DLC1: variants seen among roughly 807,000 people sequenced by gnomAD.
DLC1 encodes rho GTPase-activating protein 7.
A neutral mutation model predicts 140.3 loss-of-function variants in DLC1; 54 were observed. That is an observed-to-expected ratio of 0.38 (90% CI 0.31 to 0.48). The LOEUF is 0.48. Among genes scored for constraint, DLC1 ranks in the 20% least tolerant of loss-of-function variants. The pLI is 0.96. For synonymous variants in DLC1, 986 were observed against 728.1 expected, an observed-to-expected ratio of 1.35 and a Z score of -5.70; for missense variants, 2,536 against 1,907.0, an observed-to-expected ratio of 1.33 and a Z score of -6.14.
At chr8:13,463,466 C>T (rs1799770437) in intron 2 of DLC1, among the ~76,000 whole-genome samples, 1 of 152,160 alleles carries the variant, frequency 6.6e-6, no homozygotes, top group South Asian at 2.1e-4. Flanking sequence ...CATATTCAGA[C>T]TAACAGAATA....
At chr8:13,113,145 G>C (rs1286074086) in intron 6 of DLC1, among the ~76,000 whole-genome samples, 4 of 152,138 alleles carry the variant, frequency 2.6e-5, no homozygotes, top group Non-Finnish European at 5.9e-5. Context: ...TATTTGCCTG[G>C]ACTCCTTTCT....
intron 5 of DLC1, among the ~76,000 whole-genome samples, chr8:13,166,574 C>G (rs571117228): frequency 6.6e-6 from 1 of 152,254 alleles, no homozygotes; most frequent in African/African-American, 2.4e-5. Flanking sequence ...CTCAAGTGAT[C>G]CACCCGCTGT....
chr8:13,218,972 A>T (rs1229260558), intron 5 of DLC1, among the ~76,000 whole-genome samples: 1 of 105,360 alleles, frequency 9.5e-6, no homozygotes, highest in Non-Finnish European at 1.8e-5. Context: ...ATAATTATAT[A>T]CGTATATAAC....
intron 1 of DLC1, among the ~76,000 whole-genome samples, chr8:13,562,056 G>T (rs1804263119): frequency 6.6e-6 from 1 of 151,986 alleles, no homozygotes; most frequent in African/African-American, 2.4e-5. Context: ...GATAGAACAG[G>T]GGATTCTGCA....
At chr8:13,178,866 T>A (rs1825891026) in intron 5 of DLC1, among the ~76,000 whole-genome samples, 1 of 152,044 alleles carries the variant, frequency 6.6e-6, no homozygotes, top group Non-Finnish European at 1.5e-5. Context: ...GTTTGGAAAA[T>A]TACTTGGAAG....
At chr8:13,142,025 GAT>G (rs1823032322) in intron 5 of DLC1, among the ~76,000 whole-genome samples, 1 of 152,142 alleles carries the variant, frequency 6.6e-6, no homozygotes. Context: ...CTGTTCTCGT[GAT>G]AGTGAGTGAA....
At chr8:13,222,415 T>C (rs1032380469) in intron 5 of DLC1, among the ~76,000 whole-genome samples, 1 of 152,210 alleles carries the variant, frequency 6.6e-6, no homozygotes, top group African/African-American at 2.4e-5. Flanking sequence ...ATTATACTGA[T>C]GTTTTGTTTT....
At chr8:13,317,571 A>G (rs57802634) in intron 4 of DLC1, among the ~76,000 whole-genome samples, 10 of 152,122 alleles carry the variant, frequency 6.6e-5, no homozygotes, top group Non-Finnish European at 1.3e-4. Context: ...GGCTATGGTC[A>G]GTATTTTTTT....
intron 5 of DLC1, among the ~76,000 whole-genome samples, chr8:13,243,818 A>ATTC (rs928265356): frequency 1.2e-3 from 176 of 152,268 alleles, no homozygotes; most frequent in African/African-American, 4.2e-3. Context: ...CTTTCCATGT[A>ATTC]TTCTTGGACA....
chr8:13,572,120 C>T (rs1254067733), intron 1 of DLC1, among the ~76,000 whole-genome samples: 1 of 142,584 alleles, frequency 7.0e-6, no homozygotes, highest in Non-Finnish European at 1.5e-5. Flanking sequence ...GATGGAGTCT[C>T]ACTCTGTCAC....
chr8:13,424,626 G>A (rs531317387), intron 2 of DLC1, among the ~76,000 whole-genome samples: 2 of 152,106 alleles, frequency 1.3e-5, no homozygotes, highest in African/African-American at 4.8e-5. Flanking sequence ...AGGCTGGAGT[G>A]CAGTGCTGCG....
intron 1 of DLC1, among the ~76,000 whole-genome samples, chr8:13,565,289 G>A (rs961999740): frequency 6.6e-6 from 1 of 152,180 alleles, no homozygotes; most frequent in Non-Finnish European, 1.5e-5. Context: ...TGGCATGTTA[G>A]AAGACACAGA....
Position 13,086,469 on chromosome 8 carries a change from G to A in DLC1, c.4293-6C>T. 6.2e-7 allele frequency: 1 copy of A among 1,609,660 alleles called. No homozygotes were observed. On this transcript the variant is annotated splice_region_variant and splice_polypyrimidine_tract_variant and intron_variant, in intron 16 of 17. Coordinates refer to ENST00000276297, the MANE Select transcript of DLC1 (RefSeq NM_182643.3). Reference sequence around the variant, plus strand: ...GTAAATTAGTCCTCCAGGTTCTGTAGAGACAAAACCAGAGGCAGAAATGAT... The same window carrying A: ...GTAAATTAGTCCTCCAGGTTCTGTAAAGACAAAACCAGAGGCAGAAATGAT...
In DLC1 at chr8:13,572,096, T is replaced by TTTA. The variant is rs1554545679; in HGVS notation, c.-126+32440_-126+32441insTAA. ...TCAGGATTATTATTATTATTATTTA[T>TTTA]TTTTTTTTTTTGAGATGGAGTCTCA... On this transcript the variant is annotated intron_variant, in intron 1 of 1. Coordinates refer to the DLC1 transcript ENST00000631382. Among the ~76,000 whole-genome samples the TTTA allele has an allele frequency of 1.5e-3, 14 of 9,272 alleles. No homozygotes were observed. The East Asian group carries it at 0.07, about 46-fold the overall frequency. The allele number at this position is 9,272 out of a possible 152,430, so 6.1% of individuals were successfully genotyped here. A position where few individuals can be genotyped will look rare whatever the true frequency, so the allele number is the denominator to read the frequency against.
At chr8:13,500,417 G>A (rs762399838) in intron 1 of DLC1, among the ~76,000 whole-genome samples, 23 of 151,998 alleles carry the variant, frequency 1.5e-4, no homozygotes, top group Non-Finnish European at 2.6e-4. Context: ...ACTTTTAAAG[G>A]CATTTAAAGG....
At chr8:13,254,853 C>G (rs768412883) in intron 5 of DLC1, among the ~76,000 whole-genome samples, 1 of 152,144 alleles carries the variant, frequency 6.6e-6, no homozygotes, top group Non-Finnish European at 1.5e-5. Flanking sequence ...AACAAATACT[C>G]AGAAGGCACA....
chr8:13,417,131 A>G (rs956258933), intron 2 of DLC1, among the ~76,000 whole-genome samples: 3 of 152,166 alleles, frequency 2.0e-5, no homozygotes, highest in African/African-American at 7.2e-5. Context: ...TACTAGACTA[A>G]AGCAACACGA....
At chr8:13,327,296 G>T (rs1833404540) in intron 4 of DLC1, among the ~76,000 whole-genome samples, 1 of 152,000 alleles carries the variant, frequency 6.6e-6, no homozygotes, top group South Asian at 2.1e-4. Flanking sequence ...TAGGTAGTGT[G>T]GAGTAGGCAT....
chr8:13,478,165 T>C (rs1261483122), intron 2 of DLC1, among the ~76,000 whole-genome samples: 1 of 152,176 alleles, frequency 6.6e-6, no homozygotes, highest in African/African-American at 2.4e-5. Context: ...TATAGGCATC[T>C]GCTCAGGGAG....
Sources: allele counts gnomAD v4.1 joint callset (sites outside exome capture counted in the v4.1 genomes callset), GRCh38; gene constraint gnomAD v4.1.1; transcripts MANE v1.5; gene names NCBI Gene and HGNC (gene_info 2026-07-23, HGNC 2026-07-21).